CAPN13: variants seen among roughly 807,000 people sequenced by gnomAD.
CAPN13 encodes the protein calpain 13.
A neutral mutation model predicts 98.4 loss-of-function variants in CAPN13; 90 were observed. That is an observed-to-expected ratio of 0.92 (90% CI 0.77 to 1.09). The LOEUF is 1.09. Among genes scored for constraint, CAPN13 ranks in the 50% least tolerant of loss-of-function variants. The probability of loss-of-function intolerance (pLI) is 0.00; values close to 1 mark genes in which losing one functional copy is unlikely to be tolerated. For synonymous variants in CAPN13, 330 were observed against 305.5 expected (o/e 1.08, Z -0.84); for missense variants, 887 against 841.3 (o/e 1.05, Z -0.67).
chr2:30,806,079 T>C (rs10173959), intron 1 of CAPN13: 112,400 of 151,978 alleles, frequency 0.74, 42,185 homozygotes, highest in African/African-American at 0.84. Context: ...AGTGCTTGGC[T>C]TAATGTGTGC....
chr2:30,752,951 A>G (rs546536203), intron 10 of CAPN13, 102 bp downstream of exon 10: 2 of 1,275,942 alleles, frequency 1.6e-6, no homozygotes, highest in East Asian at 2.3e-5. Context: ...CTTCAGGCTC[A>G]TGGTCCAGAA....
intron 7 of CAPN13, among the ~76,000 whole-genome samples, chr2:30,762,283 A>G (rs920597773): frequency 1.3e-5 from 2 of 152,134 alleles, no homozygotes; most frequent in Non-Finnish European, 2.9e-5. Context: ...GATCACATAC[A>G]TTTTTGTCCA....
At chr2:30,766,796 CCTCT>C (rs1190703664) in intron 5 of CAPN13, among the ~76,000 whole-genome samples, 1 of 152,336 alleles carries the variant, frequency 6.6e-6, no homozygotes, top group Admixed American at 6.5e-5. Flanking sequence ...CCCTCAATCT[CCTCT>C]CTATTTCATG....
At chr2:30,746,005 A>G (rs916782370) in intron 11 of CAPN13, among the ~76,000 whole-genome samples, 2 of 147,756 alleles carry the variant, frequency 1.4e-5, no homozygotes, top group Non-Finnish European at 3.0e-5. Flanking sequence ...GGTTCAAGCA[A>G]TTCTCCTGCC....
chr2:30,774,110 A>G lies in CAPN13; in HGVS notation c.387+1820T>C, dbSNP rs570497177. 9.2e-5 allele frequency among the ~76,000 whole-genome samples: 14 copies of G among 152,312 alleles called. No homozygotes were observed. In the South Asian group the frequency reaches 2.3e-3, roughly 25 times the overall value. On this transcript the variant is annotated intron_variant, in intron 4 of 22. Transcript: ENST00000295055. Reference sequence around the variant, plus strand: ...AGAAACAACCCCTATATGAAAAAAGATACAAAAACTAAAAATGTATTATCT... The same window carrying G: ...AGAAACAACCCCTATATGAAAAAAGGTACAAAAACTAAAAATGTATTATCT...
Position 30,736,535 on chromosome 2 carries a change from CA to C in CAPN13, c.1689del (p.Phe563LeufsTer26). On this transcript the variant is annotated frameshift_variant, in exon 18 of 23. Transcript: ENST00000295055. LOFTEE classifies it high-confidence loss of function. ...KVNGRLDQEE[F>X]ARLWKRLVHY... ...TGAACAAGGCGCTTCCACAGTCGCGCAAACTCCTCTTGGTCTAGCCGCCCAT... is the reference window on the plus strand; with the variant it reads ...TGAACAAGGCGCTTCCACAGTCGCGCAACTCCTCTTGGTCTAGCCGCCCAT... 6.2e-7 allele frequency: 1 copy of C among 1,614,036 alleles called. No individual in the cohort carries two copies. Among genetic ancestry groups the C allele is most frequent in the Non-Finnish European group, 8.5e-7 (1 of 1,179,898 alleles).
chr2:30,739,469 C>A (rs975349552), intron 15 of CAPN13, among the ~76,000 whole-genome samples: 3 of 151,988 alleles, frequency 2.0e-5, no homozygotes, highest in Admixed American at 2.0e-4. Context: ...GAAGGATGAC[C>A]CCTCAGGATG....
intron 4 of CAPN13, among the ~76,000 whole-genome samples, chr2:30,772,386 A>G (rs1348687439): frequency 6.6e-6 from 1 of 152,356 alleles, no homozygotes; most frequent in East Asian, 1.9e-4. Context: ...CCCAGCAATG[A>G]GAGGAAATCT....
At chr2:30,796,224 GTATA>G (rs537754339) in intron 1 of CAPN13, among the ~76,000 whole-genome samples, 44 of 103,036 alleles carry the variant, frequency 4.3e-4, no homozygotes, top group African/African-American at 1.5e-3. Context: ...ACATATATAT[GTATA>G]TATATATGTG....
chr2:30,730,000 C>T (rs532645995), intron 22 of CAPN13: 7 of 152,184 alleles, frequency 4.6e-5, no homozygotes, highest in African/African-American at 1.7e-4. Flanking sequence ...TACAGTGGTC[C>T]AGAGAGTAGA....
chr2:30,799,390 A>G (rs1334904929), intron 1 of CAPN13, among the ~76,000 whole-genome samples: 2 of 152,214 alleles, frequency 1.3e-5, no homozygotes, highest in Non-Finnish European at 2.9e-5. Context: ...TGCACTTCAG[A>G]ATCATCTCAG....
chr2:30,724,382 T>A (rs1275212853), intron 22 of CAPN13, among the ~76,000 whole-genome samples: 1 of 152,194 alleles, frequency 6.6e-6, no homozygotes, highest in Non-Finnish European at 1.5e-5. Context: ...TTTTCTATAA[T>A]TAAGCAATCT....
intron 22 of CAPN13, chr2:30,729,627 T>G (rs1354392505): frequency 6.6e-6 from 1 of 152,162 alleles, no homozygotes; most frequent in Non-Finnish European, 1.5e-5. Context: ...GGAAATATGA[T>G]TGGGTCAAAT....
chr2:30,796,639 A>AGATGATG (rs1674898728), intron 1 of CAPN13, among the ~76,000 whole-genome samples: 1 of 152,228 alleles, frequency 6.6e-6, no homozygotes, highest in Non-Finnish European at 1.5e-5. Flanking sequence ...AAATGACTTC[A>AGATGATG]AAACCAAGAA....
intron 8 of CAPN13, among the ~76,000 whole-genome samples, chr2:30,756,131 C>T (rs549533168): frequency 6.6e-6 from 1 of 152,014 alleles, no homozygotes; most frequent in Non-Finnish European, 1.5e-5. Flanking sequence ...AGTCCCTGCT[C>T]TGCAAACATC....
Position 30,741,577 on chromosome 2 carries a change from TAGG to T in CAPN13, c.1536+328_1536+330del, listed in dbSNP as rs1307809258. On this transcript the variant is annotated intron_variant, in intron 15 of 22. Transcript: ENST00000295055. ...GCCAGGTTGGTGGGAGGTGGCCGAG[TAGG>T]AGAAGGAAAGGTTTCACGGGGTACT... 3 of 1,082,128 alleles carry T rather than the reference TAGG, an allele frequency of 2.8e-6. No individual in the cohort carries two copies. In the African/African-American group the frequency reaches 5.0e-5, roughly 18 times the overall value. The allele number at this position is 1,082,128 out of a possible 1,614,324, so 67.0% of individuals were successfully genotyped here.
intron 7 of CAPN13, among the ~76,000 whole-genome samples, chr2:30,762,202 T>C (rs911171674): frequency 1.3e-5 from 2 of 152,192 alleles, no homozygotes; most frequent in South Asian, 4.1e-4. Context: ...AAGACATCTC[T>C]CCTATCAGGT....
chr2:30,787,846 C>A (rs917939282), intron 1 of CAPN13, among the ~76,000 whole-genome samples: 1 of 151,976 alleles, frequency 6.6e-6, no homozygotes, highest in Non-Finnish European at 1.5e-5. Context: ...TGTTTTATAC[C>A]CCATAAACTC....
chr2:30,742,487 G>T, intron 13 of CAPN13, 128 bp from the exon 14 acceptor site: 2 of 972,432 alleles, frequency 2.1e-6, no homozygotes, highest in South Asian at 1.4e-5. Flanking sequence ...CCTCAGCACC[G>T]CAGGACACGA....
Sources: gnomAD v4.1 joint callset for allele counts (sites outside exome capture counted in the v4.1 genomes callset) on GRCh38, gnomAD v4.1.1 for gene constraint, MANE v1.5 for transcripts, NCBI Gene and HGNC (gene_info 2026-07-23, HGNC 2026-07-21) for gene names.